Variants in FBXL17 observed in about 807,000 individuals in gnomAD.
FBXL17 encodes the protein F-box and leucine rich repeat protein 17, also known as F-box/LRR-repeat protein 17.
In FBXL17, 22 loss-of-function variants were observed where a neutral mutation model predicts 66.2. That is an observed-to-expected ratio of 0.33 (90% CI 0.24 to 0.47). The LOEUF (loss-of-function observed/expected upper bound fraction) is 0.47, where lower values mean the gene tolerates loss of function less well. Among genes scored for constraint, FBXL17 ranks in the 20% least tolerant of loss-of-function variants. The pLI is 1.00. For missense variants in FBXL17, 878 were observed against 948.2 expected (o/e 0.93, Z 0.97); for synonymous variants, 474 against 400.5 (o/e 1.18, Z -2.19).
intron 4 of FBXL17, among the ~76,000 whole-genome samples, chr5:108,297,227 T>TAA: frequency 6.6e-6 from 1 of 151,722 alleles, no homozygotes; most frequent in South Asian, 2.1e-4. Context: ...GTTAGAAACT[T>TAA]AAACAGTAAA....
intron 5 of FBXL17, 27 bp downstream of exon 5, chr5:108,224,094 C>A: frequency 8.0e-7 from 1 of 1,251,640 alleles, no homozygotes; most frequent in Non-Finnish European, 1.2e-6. Flanking sequence ...CTCAAAAATA[C>A]CAAGGAAAAG....
At chr5:108,174,036 C>T (rs1343827026) in intron 6 of FBXL17, among the ~76,000 whole-genome samples, 1 of 152,180 alleles carries the variant, frequency 6.6e-6, no homozygotes, top group African/African-American at 2.4e-5. Context: ...GCCAAACATA[C>T]ATTCAACTGG....
intron 1 of FBXL17, among the ~76,000 whole-genome samples, chr5:108,369,034 T>C (rs941873870): frequency 6.6e-6 from 1 of 152,014 alleles, no homozygotes; most frequent in African/African-American, 2.4e-5. Flanking sequence ...ACCATGTAAA[T>C]TGATAGCTTC....
At chr5:108,354,544 G>C (rs1002292854) in intron 3 of FBXL17, among the ~76,000 whole-genome samples, 3 of 151,890 alleles carry the variant, frequency 2.0e-5, no homozygotes, top group Non-Finnish European at 4.4e-5. Context: ...AGAAAAGAGA[G>C]AGAGACAGGA....
intron 8 of FBXL17, chr5:107,880,536 C>A (rs567521804): frequency 2.3e-5 from 23 of 1,007,742 alleles, no homozygotes; most frequent in Non-Finnish European, 2.6e-5. Flanking sequence ...TGGGGAGATG[C>A]AAATTCCCAC....
intron 6 of FBXL17, among the ~76,000 whole-genome samples, chr5:108,137,291 GT>G (rs1358497435): frequency 6.6e-6 from 1 of 152,078 alleles, no homozygotes; most frequent in Admixed American, 6.6e-5. Flanking sequence ...TACATAGCAG[GT>G]GCTGGCAAGC....
intron 7 of FBXL17, among the ~76,000 whole-genome samples, chr5:107,979,473 TGTTA>T (rs1220209999): frequency 6.6e-6 from 1 of 152,234 alleles, no homozygotes; most frequent in African/African-American, 2.4e-5. Context: ...GCATTTGTTA[TGTTA>T]GTTAAATTGC....
In FBXL17 at chr5:108,264,214, CAAAAAAAAAA is replaced by C. The variant is rs35346820; in HGVS notation, c.1507-39996_1507-39987del. Among the ~76,000 whole-genome samples the C allele has an allele frequency of 2.6e-3, 142 of 55,526 alleles. 1 individual carries two copies. The highest frequency in any genetic ancestry group is 9.4e-3 in the African/African-American group (124 of 13,132). 36.4% of individuals were successfully genotyped at this position (55,526 alleles called of 152,430 possible). On this transcript the variant is annotated intron_variant, in intron 4 of 8. Transcript: ENST00000542267. Reference sequence around the variant, plus strand: ...TGGGCGACAGAGTGAGACTCTTTCTCAAAAAAAAAAAAAAAAAAAAAAAAAAATCTCTACT... The same window carrying C: ...TGGGCGACAGAGTGAGACTCTTTCTCAAAAAAAAAAAAAAAAATCTCTACT...
At chr5:108,025,977 A>G (rs922422236) in intron 6 of FBXL17, among the ~76,000 whole-genome samples, 2 of 152,158 alleles carry the variant, frequency 1.3e-5, no homozygotes, top group South Asian at 4.1e-4. Context: ...CTGAAGAATA[A>G]TCCAATCCCA....
chr5:108,356,257 A>G (rs1302992965), intron 3 of FBXL17, among the ~76,000 whole-genome samples: 2 of 152,148 alleles, frequency 1.3e-5, no homozygotes, highest in African/African-American at 4.8e-5. Context: ...ACAGAACTAG[A>G]AGGAGAAATA....
rs368996178 is a variant in FBXL17 at position 107,980,614 on chromosome 5, G to A, written c.1822+40311C>T. Among the ~76,000 whole-genome samples, 193 of 137,860 alleles carry A rather than the reference G, an allele frequency of 1.4e-3. 1 individual carries two copies. The highest frequency in any genetic ancestry group is 5.1e-3 in the African/African-American group (180 of 35,488). The allele number at this position is 137,860 out of a possible 152,430, so 90.4% of individuals were successfully genotyped here. A position where few individuals can be genotyped will look rare whatever the true frequency, so the allele number is the denominator to read the frequency against. ...GCTTCCCAAAGTGCTGAGATTACAGGCGTTGAGCCACCATGACTGGCCAAT... is the reference window on the plus strand; with the variant it reads ...GCTTCCCAAAGTGCTGAGATTACAGACGTTGAGCCACCATGACTGGCCAAT... On this transcript the variant is annotated intron_variant, in intron 7 of 8. Transcript: ENST00000542267.
chr5:108,361,213 T>C (rs1445487109), intron 3 of FBXL17, among the ~76,000 whole-genome samples: 3 of 152,182 alleles, frequency 2.0e-5, no homozygotes, highest in South Asian at 2.1e-4. Context: ...ATGTGGTAAC[T>C]TGGGAAATTA....
intron 6 of FBXL17, among the ~76,000 whole-genome samples, chr5:108,132,991 G>C (rs777005242): frequency 2.0e-5 from 3 of 152,174 alleles, no homozygotes; most frequent in African/African-American, 4.8e-5. Flanking sequence ...CCTTCAAAGA[G>C]AGAAATGGAA....
chr5:108,243,681 G>A (rs1755964384), intron 4 of FBXL17, among the ~76,000 whole-genome samples: 1 of 152,062 alleles, frequency 6.6e-6, no homozygotes, highest in Admixed American at 6.6e-5. Flanking sequence ...TTCTAAATAA[G>A]ATATTTAAAT....
chr5:108,296,125 A>C (rs1758340509), intron 4 of FBXL17, among the ~76,000 whole-genome samples: 1 of 151,888 alleles, frequency 6.6e-6, no homozygotes, highest in Non-Finnish European at 1.5e-5. Context: ...GGAGAAAAGA[A>C]AGAATAAAGT....
intron 7 of FBXL17, among the ~76,000 whole-genome samples, chr5:107,921,482 G>C (rs1051209874): frequency 6.6e-6 from 1 of 152,210 alleles, no homozygotes; most frequent in South Asian, 2.1e-4. Context: ...TGAGAAGCAG[G>C]AAACAGTATG....
At chr5:108,126,664 C>CTCTCTCT (rs1561423141) in intron 6 of FBXL17, among the ~76,000 whole-genome samples, 85 of 107,960 alleles carry the variant, frequency 7.9e-4, no homozygotes, top group East Asian at 5.1e-3. Flanking sequence ...TATATATATA[C>CTCTCTCT]ATATATATAT....
chr5:107,931,265 T>TTA (rs1750728177), intron 7 of FBXL17, among the ~76,000 whole-genome samples: 1 of 151,136 alleles, frequency 6.6e-6, no homozygotes, highest in Non-Finnish European at 1.5e-5. Flanking sequence ...GAATTTTTTT[T>TTA]TTTTTTTTTT....
At chr5:108,188,433 TAAG>T (rs1342312275) in intron 5 of FBXL17, among the ~76,000 whole-genome samples, 1 of 152,108 alleles carries the variant, frequency 6.6e-6, no homozygotes, top group East Asian at 1.9e-4. Context: ...GCTTATCAGG[TAAG>T]ATGTTCAAGG....
Sources: gnomAD v4.1 joint callset for allele counts (sites outside exome capture counted in the v4.1 genomes callset) on GRCh38, gnomAD v4.1.1 for gene constraint, MANE v1.5 for transcripts, NCBI Gene and HGNC (gene_info 2026-07-23, HGNC 2026-07-21) for gene names.